MAP7: variants seen among roughly 807,000 people sequenced by gnomAD.
MAP7 encodes ensconsin.
MAP7 carries 52 observed loss-of-function variants against 94.8 expected under a neutral mutation model. The observed-to-expected ratio is 0.55, with a 90% CI of 0.44 to 0.69. The LOEUF is 0.69. Ranked by LOEUF, MAP7 falls within the 30% of genes least tolerant of loss-of-function variation. The pLI, the probability that MAP7 is intolerant of heterozygous loss-of-function variation, is 0.00. For synonymous variants in MAP7, 350 were observed against 357.0 expected (o/e 0.98, Z 0.22); for missense variants, 940 against 964.6 (o/e 0.97, Z 0.34).
At chr6:136,402,038 C>T (rs1037117350) in intron 3 of MAP7, among the ~76,000 whole-genome samples, 4 of 152,174 alleles carry the variant, frequency 2.6e-5, no homozygotes, top group Non-Finnish European at 5.9e-5. Context: ...TGTTCCCTGT[C>T]CAACCCCTTG....
At chr6:136,484,994 C>G (rs888287736) in intron 1 of MAP7, among the ~76,000 whole-genome samples, 13 of 152,100 alleles carry the variant, frequency 8.5e-5, no homozygotes, top group Admixed American at 2.6e-4. Context: ...GTGCCCAGAC[C>G]CATGTTCAAC....
At chr6:136,513,494 T>G (rs1823854026) in intron 1 of MAP7, among the ~76,000 whole-genome samples, 1 of 152,250 alleles carries the variant, frequency 6.6e-6, no homozygotes, top group Non-Finnish European at 1.5e-5. Flanking sequence ...CTACTTCTAA[T>G]TCTAGTTCTC....
intron 3 of MAP7, among the ~76,000 whole-genome samples, chr6:136,396,881 C>G (rs1379686105): frequency 6.6e-6 from 1 of 152,126 alleles, no homozygotes; most frequent in Non-Finnish European, 1.5e-5. Flanking sequence ...TTTTTGTCGT[C>G]ATAATCATTA....
chr6:136,391,295 G>A (rs868457032), intron 3 of MAP7, among the ~76,000 whole-genome samples: 3 of 147,236 alleles, frequency 2.0e-5, no homozygotes, highest in East Asian at 2.0e-4. Flanking sequence ...GTAAACTATC[G>A]CAAGAACAAA....
At chr6:136,471,331 G>A (rs1281737508) in intron 1 of MAP7, among the ~76,000 whole-genome samples, 4 of 152,024 alleles carry the variant, frequency 2.6e-5, no homozygotes, top group Non-Finnish European at 5.9e-5. Flanking sequence ...CACTTGCTCT[G>A]GACACCCTTC....
intron 1 of MAP7, among the ~76,000 whole-genome samples, chr6:136,515,588 A>C (rs920430208): frequency 6.6e-6 from 1 of 152,332 alleles, no homozygotes; most frequent in South Asian, 2.1e-4. Flanking sequence ...ACTTCATTTC[A>C]AAATTGTCAT....
chr6:136,385,050 C>G (rs149820315), intron 5 of MAP7, among the ~76,000 whole-genome samples: 219 of 152,284 alleles, frequency 1.4e-3, no homozygotes, highest in African/African-American at 5.2e-3. Flanking sequence ...TTGTTACCTG[C>G]TTCTAAAACT....
At chr6:136,438,117 A>G (rs1395248393) in intron 1 of MAP7, among the ~76,000 whole-genome samples, 1 of 152,236 alleles carries the variant, frequency 6.6e-6, no homozygotes, top group African/African-American at 2.4e-5. Flanking sequence ...AACTGATACT[A>G]TAAAATAGGA....
In MAP7 at chr6:136,362,464, C is replaced by G. The variant is rs1793102849; in HGVS notation, c.1512G>C (p.Gln504His). Reference protein sequence around the residue: ...REKEERERREQEELERQKREE... With the variant: ...REKEERERREHEELERQKREE... ...CTCCCATTTACCTTTCAAGCTCTTC[C>G]TGCTCCCTCCTCTCCCTTTCTTCCT... Residue 504 changes from glutamine (Q) to histidine (H), a missense_variant, in exon 11 of 18, where the codon CAG becomes CAC. Physicochemically the swap from Gln to His is conservative, Grantham distance 24 (BLOSUM62 0). Transcript: ENST00000354570. The G allele has an allele frequency of 1.2e-6, 2 of 1,614,074 alleles. No individual in the cohort carries two copies. Among genetic ancestry groups the G allele is most frequent in the Non-Finnish European group, 1.7e-6 (2 of 1,180,000 alleles).
chr6:136,498,058 G>A (rs1435374098), intron 1 of MAP7, among the ~76,000 whole-genome samples: 1 of 152,040 alleles, frequency 6.6e-6, no homozygotes, highest in African/African-American at 2.4e-5. Flanking sequence ...ACAAAGGTGA[G>A]AGACTTTATC....
chr6:136,353,245 T>A (rs941250682), intron 16 of MAP7, among the ~76,000 whole-genome samples: 40 of 152,324 alleles, frequency 2.6e-4, no homozygotes, highest in African/African-American at 9.6e-4. Flanking sequence ...AGTGCTCCAT[T>A]TTCAGGTGTA....
chr6:136,481,950 G>T (rs1368043636), intron 1 of MAP7, among the ~76,000 whole-genome samples: 1 of 151,946 alleles, frequency 6.6e-6, no homozygotes, highest in Non-Finnish European at 1.5e-5. Context: ...CCAAGTGAAG[G>T]GTACATGGGA....
intron 1 of MAP7, among the ~76,000 whole-genome samples, chr6:136,434,963 A>T (rs994759564): frequency 1.2e-4 from 19 of 152,216 alleles, no homozygotes; most frequent in Non-Finnish European, 2.5e-4. Flanking sequence ...AGTATGCTAC[A>T]TCCATTTCAA....
At chr6:136,530,986 G>A (rs992274664) in intron 1 of MAP7, among the ~76,000 whole-genome samples, 1 of 144,048 alleles carries the variant, frequency 6.9e-6, no homozygotes, top group African/African-American at 2.9e-5. Flanking sequence ...CAAACGCTAG[G>A]GATTCATTTA....
intron 1 of MAP7, among the ~76,000 whole-genome samples, chr6:136,513,027 T>C (rs1276521992): frequency 6.6e-6 from 1 of 152,144 alleles, no homozygotes; most frequent in Non-Finnish European, 1.5e-5. Flanking sequence ...TTGTTTTTGG[T>C]AGAGGCAGGT....
Position 136,487,592 on chromosome 6 carries a change from C to T in MAP7, c.67+62750G>A, listed in dbSNP as rs554112698. On this transcript the variant is annotated intron_variant, in intron 1 of 17. Transcript: ENST00000354570. ...GGCATGGTGGTGTGTGCTTGTAGTC[C>T]CAGATATTCAAGAGGCTGAGCAGGG... 6.6e-5 allele frequency among the ~76,000 whole-genome samples: 10 copies of T among 151,806 alleles called. No homozygotes were observed. The East Asian group carries it at 1.7e-3, about 26-fold the overall frequency.
intron 1 of MAP7, among the ~76,000 whole-genome samples, chr6:136,515,141 T>C (rs1470948612): frequency 6.6e-6 from 1 of 152,246 alleles, no homozygotes; most frequent in African/African-American, 2.4e-5. Context: ...ATGGAGACAC[T>C]TTCTTTCCTT....
intron 2 of MAP7, chr6:136,420,515 G>T: frequency 3.1e-6 from 1 of 317,610 alleles, no homozygotes; most frequent in Non-Finnish European, 5.9e-6. Context: ...AGCTGCGTGG[G>T]GACAGGGTTC....
chr6:136,517,720 C>A (rs1366147911), intron 1 of MAP7, among the ~76,000 whole-genome samples: 1 of 151,924 alleles, frequency 6.6e-6, no homozygotes, highest in African/African-American at 2.4e-5. Context: ...TTTCTCACAC[C>A]AAATATAGCC....
Sources: allele counts gnomAD v4.1 joint callset (sites outside exome capture counted in the v4.1 genomes callset), GRCh38; gene constraint gnomAD v4.1.1; transcripts MANE v1.5; gene names NCBI Gene and HGNC (gene_info 2026-07-23, HGNC 2026-07-21).